TRIM42: variants seen among roughly 807,000 people sequenced by gnomAD.
TRIM42 encodes the protein tripartite motif containing 42.
A neutral mutation model predicts 64.9 loss-of-function variants in TRIM42; 59 were observed. The observed-to-expected ratio is 0.91, with a 90% confidence interval of 0.74 to 1.13. The LOEUF is 1.13. Ranked by LOEUF, TRIM42 falls within the 50% of genes most tolerant of loss-of-function variation. TRIM42 has a pLI of 0.00. For missense variants in TRIM42, 878 were observed against 929.5 expected, an observed-to-expected ratio of 0.94 and a Z score of 0.72; for synonymous variants, 354 against 346.3, an observed-to-expected ratio of 1.02 and a Z score of -0.25.
Position 140,682,528 on chromosome 3 carries a change from C to T in TRIM42, c.408C>T (p.Ala136=). ...TQVDEVKSIP[A]NSHLVNHLNC... ...TGGATGAAGTAAAGTCAATACCAGCCAACAGTCACCTGGTGAACCACCTCA... is the reference window on the plus strand; with the variant it reads ...TGGATGAAGTAAAGTCAATACCAGCTAACAGTCACCTGGTGAACCACCTCA... The change falls in exon 2 of 5, where the codon GCC becomes GCT. Residue 136 remains alanine (A), a synonymous_variant. Coordinates refer to ENST00000286349, the MANE Select transcript of TRIM42 (RefSeq NM_152616.5). The T allele has an allele frequency of 6.2e-7, 1 of 1,614,226 alleles. No homozygotes were observed. The highest frequency in any genetic ancestry group is 8.5e-7 in the Non-Finnish European group (1 of 1,180,044).
chr3:140,700,064 G>GTCTT (rs1988958608), intron 4 of TRIM42, among the ~76,000 whole-genome samples: 3 of 152,122 alleles, frequency 2.0e-5, no homozygotes, highest in Admixed American at 2.0e-4. Flanking sequence ...CCAGTGGACT[G>GTCTT]TCTTTCATCC....
In TRIM42 at chr3:140,699,289, T is replaced by A. The variant is rs572108594; in HGVS notation, c.2086-1599T>A. ...ATTATAAGGGAATTGGGCTCAATTT[T>A]TTGCTTATATTGTTTTTATCTGGTT... On this transcript the variant is annotated intron_variant, in intron 4 of 4. Transcript: ENST00000286349. Among the ~76,000 whole-genome samples the A allele has an allele frequency of 5.3e-5, 8 of 152,306 alleles. No individual in the cohort carries two copies. The South Asian group carries it at 1.7e-3, about 32-fold the overall frequency.
At chr3:140,695,810 C>CCTATT (rs1236625565) in intron 4 of TRIM42, among the ~76,000 whole-genome samples, 3 of 152,144 alleles carry the variant, frequency 2.0e-5, no homozygotes, top group African/African-American at 7.2e-5. Context: ...ATCTGAATGA[C>CCTATT]CACCACTATT....
In TRIM42 at chr3:140,687,871, C is replaced by A. The variant is rs145507837; in HGVS notation, c.1189C>A (p.Gln397Lys). The change falls in exon 3 of 5, where the codon CAG becomes AAG. Residue 397 changes from glutamine (Q) to lysine (K), a missense_variant. By Grantham distance (53) the Gln-to-Lys change is moderately conservative. Coordinates refer to ENST00000286349, the MANE Select transcript of TRIM42 (RefSeq NM_152616.5). ...GGAGAAAGAGAAGATCATCATGGAG[C>A]AGATAGAGAATCTAGAAGTGTCCAG... Reference protein sequence around the residue: ...LQEKEKIIMEQIENLEVSRQK... With the variant: ...LQEKEKIIMEKIENLEVSRQK... 8.7e-5 allele frequency: 140 copies of A among 1,614,172 alleles called. No homozygotes were observed. In the African/African-American group the frequency reaches 1.6e-3, roughly 19 times the overall value.
intron 4 of TRIM42, among the ~76,000 whole-genome samples, chr3:140,700,415 G>A (rs1363948360): frequency 6.6e-6 from 1 of 152,062 alleles, no homozygotes; most frequent in Non-Finnish European, 1.5e-5. Context: ...TCCATAACTA[G>A]TGTTGGGACC....
At chr3:140,691,250 G>A in intron 4 of TRIM42, 58 bp downstream of exon 4, 5 of 1,394,426 alleles carry the variant, frequency 3.6e-6, no homozygotes, top group South Asian at 1.2e-5. Context: ...TTCTGGATGA[G>A]GCCCTGTTAA....
At chr3:140,697,625 A>G (rs1559940402) in intron 4 of TRIM42, among the ~76,000 whole-genome samples, 1 of 152,238 alleles carries the variant, frequency 6.6e-6, no homozygotes, top group South Asian at 2.1e-4. Context: ...AGAAATATCT[A>G]TTATTCATAT....
At position 140,683,121 on chromosome 3, in the gene TRIM42, C is replaced by T; in HGVS notation, c.1001C>T (p.Ala334Val). ...CTCATCGACGCCTGCTCCGAGAGGG[C>T]CGCCTCACTCTTCAGCGCCATCGCC... ...ISLIDACSER[A>V]ASLFSAIAKF... is the part of the protein sequence containing the mutation. The change falls in exon 2 of 5, where the codon GCC (alanine) becomes GTC (valine). Residue 334 changes from alanine to valine, a missense_variant. Coordinates refer to ENST00000286349, the MANE Select transcript of TRIM42 (RefSeq NM_152616.5). 2 of 1,614,212 alleles carry T rather than the reference C, an allele frequency of 1.2e-6. No homozygotes were observed. Among genetic ancestry groups the T allele is most frequent in the South Asian group, 2.2e-5 (2 of 91,080 alleles).
intron 4 of TRIM42, among the ~76,000 whole-genome samples, chr3:140,697,845 G>A (rs1270424038): frequency 2.0e-5 from 3 of 152,044 alleles, no homozygotes; most frequent in East Asian, 1.9e-4. Flanking sequence ...CACCACGCCC[G>A]GCTAAATTTT....
intron 4 of TRIM42, among the ~76,000 whole-genome samples, chr3:140,699,389 T>C (rs1282152345): frequency 6.6e-6 from 1 of 152,232 alleles, no homozygotes; most frequent in Non-Finnish European, 1.5e-5. Flanking sequence ...AGAATAACTC[T>C]TAAGAGTTTG....
chr3:140,680,823 A>G (rs537142034), intron 1 of TRIM42: 1 of 398,712 alleles, frequency 2.5e-6, no homozygotes, highest in South Asian at 1.0e-4. Context: ...GGGCCACTCC[A>G]TTCCAATATA....
At chr3:140,693,664 C>T (rs953062218) in intron 4 of TRIM42, among the ~76,000 whole-genome samples, 2 of 152,184 alleles carry the variant, frequency 1.3e-5, no homozygotes, top group Non-Finnish European at 2.9e-5. Flanking sequence ...AAAGGTTTCA[C>T]TTAAAATGTT....
chr3:140,680,955 C>T (rs889618959), intron 1 of TRIM42, among the ~76,000 whole-genome samples: 1 of 152,286 alleles, frequency 6.6e-6, no homozygotes, highest in East Asian at 1.9e-4. Context: ...GCCGCAATGT[C>T]GAGATTAGTA....
At chr3:140,678,609 A>T in intron 1 of TRIM42, 39 bp downstream of exon 1, 1 of 1,555,782 alleles carries the variant, frequency 6.4e-7, no homozygotes, top group East Asian at 2.3e-5. Flanking sequence ...GCATTGGGTC[A>T]TGAAAACTAG....
rs756144760 is a variant in TRIM42, at chr3:140,678,434, T to G, written c.205T>G (p.Ser69Ala). The change falls in exon 1 of 5, where the codon TCT becomes GCT. Residue 69 changes from serine to alanine, a missense_variant. By Grantham distance (99) the Ser-to-Ala change is moderately conservative. Transcript: ENST00000286349. ...ESPNCHWCCC[S>A]WANDPNCKCC... is the part of the protein sequence containing the mutation. ...CCCCAACTGCCATTGGTGTTGCTGC[T>G]CTTGGGCCAATGATCCCAACTGTAA... 4 of 1,614,086 alleles carry G rather than the reference T, an allele frequency of 2.5e-6. No homozygotes were observed. In the African/African-American group the frequency reaches 5.3e-5, roughly 22 times the overall value.
intron 3 of TRIM42, among the ~76,000 whole-genome samples, chr3:140,690,650 T>C (rs11919121): frequency 6.8e-6 from 1 of 148,056 alleles, no homozygotes; most frequent in African/African-American, 2.5e-5. Context: ...TGAATTGTGA[T>C]ATTATGAGTG....
In TRIM42 at chr3:140,678,474, C is replaced by A. The variant is rs772167094; in HGVS notation, c.245C>A (p.Ala82Asp). ...NDPNCKCCCT[A>D]SSNLNCYYYE... is the part of the protein sequence containing the mutation. ...CCCAACTGTAAGTGCTGCTGCACAG[C>A]CAGCAGCAATCTCAACTGCTACTAC... The change falls in exon 1 of 5, where the codon GCC (alanine) becomes GAC (aspartate). Residue 82 changes from alanine (A) to aspartate (D), a missense_variant. Physicochemically the swap from Ala to Asp is moderately radical, Grantham distance 126 (BLOSUM62 -2). Coordinates refer to ENST00000286349, the MANE Select transcript of TRIM42 (RefSeq NM_152616.5). The A allele has an allele frequency of 3.1e-6, 5 of 1,613,906 alleles. No individual in the cohort carries two copies. The highest frequency in any genetic ancestry group is 1.3e-5 in the African/African-American group (1 of 74,918).
rs780406910 is a variant in TRIM42 at position 140,683,142 on chromosome 3, T to C, written c.1022T>C (p.Ile341Thr). 8.1e-6 allele frequency: 13 copies of C among 1,613,936 alleles called. No individual in the cohort carries two copies. Among genetic ancestry groups the C allele is most frequent in the Non-Finnish European group, 1.1e-5 (13 of 1,179,946 alleles). Residue 341 changes from isoleucine (I) to threonine (T), a missense_variant, in exon 2 of 5, where the codon ATC (isoleucine) becomes ACC (threonine). Coordinates refer to ENST00000286349, the MANE Select transcript of TRIM42 (RefSeq NM_152616.5). ...AGGGCCGCCTCACTCTTCAGCGCCATCGCCAAGTTCAAAGCAGGTCCTCCC... is the reference window on the plus strand; with the variant it reads ...AGGGCCGCCTCACTCTTCAGCGCCACCGCCAAGTTCAAAGCAGGTCCTCCC... ...SERAASLFSA[I>T]AKFKAVRYEI...
At chr3:140,691,492 CAAAT>C (rs1220592513) in intron 4 of TRIM42, among the ~76,000 whole-genome samples, 1 of 152,064 alleles carries the variant, frequency 6.6e-6, no homozygotes, top group African/African-American at 2.4e-5. Context: ...GTCTAGTAAA[CAAAT>C]AATTGTTGTG....
Sources: gnomAD v4.1 joint callset for allele counts (sites outside exome capture counted in the v4.1 genomes callset) on GRCh38, gnomAD v4.1.1 for gene constraint, MANE v1.5 for transcripts, NCBI Gene and HGNC (gene_info 2026-07-23, HGNC 2026-07-21) for gene names.